ATP8A1: variants seen among roughly 807,000 people sequenced by gnomAD.
The protein encoded by ATP8A1 is phospholipid-transporting ATPase IA.
ATP8A1 carries 90 observed loss-of-function variants against 177.7 expected under a neutral mutation model. The observed-to-expected ratio is 0.51, with a 90% confidence interval of 0.43 to 0.60. The LOEUF is 0.60. ATP8A1 is among the 20% of genes least tolerant of loss of function. The pLI is 0.00. For synonymous variants in ATP8A1, 493 were observed against 485.9 expected (o/e 1.01, Z -0.19); for missense variants, 1,072 against 1,392.8 (o/e 0.77, Z 3.67).
chr4:42,586,415 A>G lies in ATP8A1; in HGVS notation c.656T>C (p.Ile219Thr). Residue 219 changes from isoleucine (I) to threonine (T), a missense_variant, in exon 9 of 37, where the codon ATT becomes ACT. Transcript: ENST00000381668. Reference protein sequence around the residue: ...VDSLMRISGRIECESPNRHLY... With the variant: ...VDSLMRISGRTECESPNRHLY... ...ATGTCTGTTTGGACTTTCACACTCA[A>G]TTCTGCCAGAAATCCTCATCAAACT... The G allele has an allele frequency of 6.2e-7, 1 of 1,614,136 alleles. No individual in the cohort carries two copies. The highest frequency in any genetic ancestry group is 8.5e-7 in the Non-Finnish European group (1 of 1,179,984).
chr4:42,422,270 T>C (rs1714046354), intron 35 of ATP8A1, among the ~76,000 whole-genome samples: 1 of 152,228 alleles, frequency 6.6e-6, no homozygotes, highest in Non-Finnish European at 1.5e-5. Context: ...TTTTGTATTC[T>C]TAGTAGAGAT....
At chr4:42,492,217 C>T (rs1213253651) in intron 24 of ATP8A1, among the ~76,000 whole-genome samples, 1 of 152,110 alleles carries the variant, frequency 6.6e-6, no homozygotes, top group South Asian at 2.1e-4. Context: ...AGCATCTATA[C>T]TTATTCTTAG....
In ATP8A1 at chr4:42,522,133, G is replaced by A. The variant is rs1165563690; in HGVS notation, c.1947+27C>T. On this transcript the variant is annotated intron_variant, in intron 22 of 36. Coordinates refer to ENST00000381668, the MANE Select transcript of ATP8A1 (RefSeq NM_006095.2). ...AAACTATCTGGAAACCAAACCCTCT[G>A]TATGATCAACAGAATCATCCACGTA... The A allele has an allele frequency of 2.5e-6, 4 of 1,585,476 alleles. No individual in the cohort carries two copies. In the East Asian group the frequency reaches 6.8e-5, roughly 27 times the overall value.
At chr4:42,631,314 T>A (rs1489671520) in intron 1 of ATP8A1, among the ~76,000 whole-genome samples, 2 of 152,258 alleles carry the variant, frequency 1.3e-5, no homozygotes, top group African/African-American at 2.4e-5. Flanking sequence ...AGTAGACATA[T>A]GTTGCCCAAG....
At position 42,636,142 on chromosome 4, in the gene ATP8A1, ACACACACACACACACG is replaced by A. The variant is rs1388485744; in HGVS notation, c.50-9049_50-9034del. ...AATACACACACACACACACACACACACACACACACACACACGCACACACACACACATAAGCTTCTTA... is the reference window on the plus strand; with the variant it reads ...AATACACACACACACACACACACACACACACACACACACATAAGCTTCTTA... On this transcript the variant is annotated intron_variant, in intron 1 of 36. Transcript: ENST00000381668. Among the ~76,000 whole-genome samples the A allele has an allele frequency of 8.8e-3, 284 of 32,354 alleles. 2 individuals are homozygous for A. The highest frequency in any genetic ancestry group is 0.019 in the African/African-American group (269 of 14,480). 21.2% of individuals were successfully genotyped at this position (32,354 alleles called of 152,430 possible). A position where few individuals can be genotyped will look rare whatever the true frequency, so the allele number is the denominator to read the frequency against.
chr4:42,455,610 A>G lies in ATP8A1; in HGVS notation c.2620-11T>C. On this transcript the variant is annotated splice_polypyrimidine_tract_variant and intron_variant, in intron 27 of 36. Transcript: ENST00000381668. ...AAAGGCAAACCAGATCTAGGAAAAA[A>G]AACCCAAAACCCCCAAATTAGAATA... The G allele has an allele frequency of 1.2e-6, 2 of 1,609,666 alleles. No homozygotes were observed. Among genetic ancestry groups the G allele is most frequent in the Non-Finnish European group, 8.5e-7 (1 of 1,178,710 alleles).
intron 21 of ATP8A1, among the ~76,000 whole-genome samples, chr4:42,523,985 C>CT (rs1726417671): frequency 1.3e-5 from 2 of 152,264 alleles, no homozygotes; most frequent in South Asian, 4.1e-4. Context: ...CCACTGGCAA[C>CT]AGTTCCAGCT....
chr4:42,593,853 T>C (rs2109377570), intron 6 of ATP8A1, among the ~76,000 whole-genome samples: 1 of 152,144 alleles, frequency 6.6e-6, no homozygotes, highest in East Asian at 1.9e-4. Flanking sequence ...TCAAAAGGCA[T>C]AATGGCAAAA....
intron 33 of ATP8A1, among the ~76,000 whole-genome samples, chr4:42,441,825 A>C (rs912490386): frequency 6.6e-6 from 1 of 152,204 alleles, no homozygotes; most frequent in African/African-American, 2.4e-5. Flanking sequence ...TTTTCAGTGG[A>C]GCACCAGCTA....
chr4:42,622,294 A>G (rs1737550637), intron 4 of ATP8A1, among the ~76,000 whole-genome samples: 1 of 152,100 alleles, frequency 6.6e-6, no homozygotes, highest in African/African-American at 2.4e-5. Flanking sequence ...AGGTGGGAGA[A>G]TCGCTTGAAC....
At chr4:42,501,288 A>G (rs1401439219) in intron 24 of ATP8A1, among the ~76,000 whole-genome samples, 2 of 152,244 alleles carry the variant, frequency 1.3e-5, no homozygotes, top group African/African-American at 4.8e-5. Flanking sequence ...ATTTTATAAC[A>G]TCTCATTTTT....
Position 42,436,195 on chromosome 4 carries a change from C to T in ATP8A1, c.3123+7370G>A, listed in dbSNP as rs149914903. 7.2e-5 allele frequency among the ~76,000 whole-genome samples: 11 copies of T among 152,204 alleles called. No individual in the cohort carries two copies. The East Asian group carries it at 2.1e-3, about 29-fold the overall frequency. On this transcript the variant is annotated intron_variant, in intron 33 of 36. Transcript: ENST00000381668. ...ACTGTAGCATACGGGTACACCATGG[C>T]CTCTCTCTCGTTTATGACATCAATG...
chr4:42,496,919 C>T (rs1325947449), intron 24 of ATP8A1, among the ~76,000 whole-genome samples: 1 of 151,962 alleles, frequency 6.6e-6, no homozygotes, highest in Non-Finnish European at 1.5e-5. Context: ...TCCATAATCA[C>T]AAGATTTGGG....
In ATP8A1 at chr4:42,414,067, C is replaced by T. The variant is rs546843516; in HGVS notation, c.3397+560G>A. ...AGCAAAAGCATTAGACATGAGTATA[C>T]GTAAGTGAAAATAAATTATAAGTGG... On this transcript the variant is annotated intron_variant, in intron 36 of 36. Transcript: ENST00000381668. Among the ~76,000 whole-genome samples the T allele has an allele frequency of 2.6e-5, 4 of 152,096 alleles. No homozygotes were observed. The East Asian group carries it at 5.8e-4, about 22-fold the overall frequency.
chr4:42,510,191 T>C (rs73235591), intron 22 of ATP8A1, among the ~76,000 whole-genome samples: 20,190 of 152,268 alleles, frequency 0.13, 1,684 homozygotes, highest in East Asian at 0.26. Context: ...ACACACTTGA[T>C]GCATGACTTC....
At chr4:42,519,085 ATATT>A (rs1313178546) in intron 22 of ATP8A1, among the ~76,000 whole-genome samples, 1 of 152,060 alleles carries the variant, frequency 6.6e-6, no homozygotes, top group African/African-American at 2.4e-5. Flanking sequence ...TGTTATTTAT[ATATT>A]TATTTATTTT....
At chr4:42,531,078 C>A (rs1727215015) in intron 20 of ATP8A1, among the ~76,000 whole-genome samples, 2 of 152,210 alleles carry the variant, frequency 1.3e-5, no homozygotes, top group African/African-American at 4.8e-5. Context: ...ACAGTGTTGG[C>A]TGGGGTGACT....
chr4:42,513,798 G>A (rs1725246922), intron 22 of ATP8A1, among the ~76,000 whole-genome samples: 1 of 152,140 alleles, frequency 6.6e-6, no homozygotes, highest in Admixed American at 6.5e-5. Flanking sequence ...TTTCAGAAAG[G>A]TCACTAGTAG....
At chr4:42,440,747 C>T (rs1479453118) in intron 33 of ATP8A1, among the ~76,000 whole-genome samples, 1 of 152,130 alleles carries the variant, frequency 6.6e-6, no homozygotes, top group African/African-American at 2.4e-5. Context: ...TATAGAGCTC[C>T]TCTATTCAGT....
Sources: gnomAD v4.1 joint callset for allele counts (sites outside exome capture counted in the v4.1 genomes callset) on GRCh38, gnomAD v4.1.1 for gene constraint, MANE v1.5 for transcripts, NCBI Gene and HGNC (gene_info 2026-07-23, HGNC 2026-07-21) for gene names.